The following MAEA variants were observed in gnomAD, a reference collection of about 807,000 sequenced individuals.
MAEA encodes the protein E3 ubiquitin-protein transferase MAEA.
MAEA carries 22 observed loss-of-function variants against 46.2 expected under a neutral mutation model. That is an observed-to-expected ratio of 0.48 (90% CI 0.34 to 0.68). The LOEUF is 0.68. MAEA is among the 30% of genes least tolerant of loss of function. The pLI is 0.01. For missense variants in MAEA, 393 were observed against 558.1 expected (o/e 0.70, Z 2.98); for synonymous variants, 246 against 222.6 (o/e 1.11, Z -0.94).
chr4:1,332,939 T>C, intron 6 of MAEA, 74 bp downstream of exon 6: 1 of 1,155,814 alleles, frequency 8.7e-7, no homozygotes, highest in Non-Finnish European at 1.2e-6. Context: ...CTGTAGCTGC[T>C]TCCACACGTG....
intron 1 of MAEA, among the ~76,000 whole-genome samples, chr4:1,301,059 G>A (rs1390828940): frequency 6.6e-6 from 1 of 152,172 alleles, no homozygotes; most frequent in Non-Finnish European, 1.5e-5. Context: ...GATGAGCTTC[G>A]TGATCAATAT....
intron 1 of MAEA, among the ~76,000 whole-genome samples, chr4:1,309,148 A>C (rs1457510952): frequency 2.0e-5 from 3 of 152,164 alleles, no homozygotes; most frequent in African/African-American, 7.2e-5. Context: ...GTGTTTGATC[A>C]CTAAGCAATA....
At chr4:1,292,213 C>G (rs1734170803) in intron 1 of MAEA, among the ~76,000 whole-genome samples, 1 of 152,144 alleles carries the variant, frequency 6.6e-6, no homozygotes, top group African/African-American at 2.4e-5. Flanking sequence ...ATGCTCTGGA[C>G]TGGATCTTCA....
At chr4:1,326,054 G>T (rs1010567083) in intron 4 of MAEA, among the ~76,000 whole-genome samples, 18 of 152,222 alleles carry the variant, frequency 1.2e-4, no homozygotes, top group African/African-American at 4.3e-4. Flanking sequence ...TGGCCCCCGG[G>T]GGTCTGGGCA....
At chr4:1,305,161 G>C (rs548494794) in intron 1 of MAEA, among the ~76,000 whole-genome samples, 1 of 150,520 alleles carries the variant, frequency 6.6e-6, no homozygotes. Context: ...GGTTTTCTTT[G>C]TTCCAGTTAA....
intron 8 of MAEA, 77 bp from the exon 9 acceptor site, chr4:1,338,997 T>G: frequency 8.5e-7 from 1 of 1,177,540 alleles, no homozygotes; most frequent in Non-Finnish European, 1.3e-6. Flanking sequence ...TGGTGGTTCA[T>G]TGTGGGGATT....
chr4:1,330,959 C>T (rs1450830210), intron 5 of MAEA: 3 of 152,126 alleles, frequency 2.0e-5, no homozygotes, highest in Admixed American at 6.6e-5. Flanking sequence ...TGAGATAAGA[C>T]GCGTAAACCA....
At position 1,322,292 on chromosome 4, in the gene MAEA, G is replaced by A. The variant is rs527703094; in HGVS notation, c.457-89G>A. The A allele has an allele frequency of 1.1e-4, 166 of 1,550,434 alleles. 1 individual carries two copies. In the South Asian group the frequency reaches 1.9e-3, roughly 18 times the overall value. On this transcript the variant is annotated intron_variant, in intron 3 of 8. Transcript: ENST00000303400. ...CATCTCGAGTGGTGGCCGGTGCTGG[G>A]CCTGCCTCATGGAGGCTGGGGTGTG... is the stretch of plus-strand genomic sequence containing the variant.
chr4:1,332,368 G>C (rs1279016905), intron 5 of MAEA: 1 of 166,862 alleles, frequency 6.0e-6, no homozygotes, highest in South Asian at 1.2e-4. Context: ...GGAGTGAGGC[G>C]ATTACTTTGT....
Position 1,339,120 on chromosome 4 carries a change from C to T in MAEA, c.1142C>T (p.Thr381Ile). 1 of 1,613,994 alleles carries T rather than the reference C, an allele frequency of 6.2e-7. No homozygotes were observed. The highest frequency in any genetic ancestry group is 8.5e-7 in the Non-Finnish European group (1 of 1,180,016). Residue 381 changes from threonine (T) to isoleucine (I), a missense_variant, in exon 9 of 9, where the codon ACC becomes ATC. This residue lies in a region of MAEA where 358 missense variants were observed against 537.9 expected (regional missense o/e 0.67). Transcript: ENST00000303400. ...GATGATAAAGTCGTGTGCCCGAGAA[C>T]CAAAGAAGTCTTCCACTTCTCACAA... ...RQDDKVVCPR[T>I]KEVFHFSQAE...
Position 1,322,436 on chromosome 4 carries a change from A to C in MAEA, c.512A>C (p.Glu171Ala). 1 of 1,614,032 alleles carries C rather than the reference A, an allele frequency of 6.2e-7. No individual in the cohort carries two copies. The change falls in exon 4 of 9, where the codon GAG becomes GCG. Residue 171 changes from glutamate to alanine, a missense_variant. Glu to Ala is a moderately radical substitution (Grantham distance 107). Coordinates refer to ENST00000303400, the MANE Select transcript of MAEA (RefSeq NM_001017405.3). The stretch of plus-strand genomic sequence containing the variant: ...GCCAAAGAGGTGGAGGAGTCCCTGG[A>C]GAGGCGTGAGACGGCCACCTGCCTG... ...LTAKEVEESL[E>A]RRETATCLAW...
chr4:1,329,944 G>A, intron 5 of MAEA: 5 of 985,464 alleles, frequency 5.1e-6, no homozygotes, highest in Non-Finnish European at 6.0e-6. Flanking sequence ...GGAGCGTCGG[G>A]CACCATCTAC....
intron 4 of MAEA, 149 bp downstream of exon 4, chr4:1,322,652 C>G (rs1025518379): frequency 1.2e-5 from 12 of 993,500 alleles, no homozygotes; most frequent in Non-Finnish European, 1.7e-5. Flanking sequence ...TTTTTGGTGG[C>G]TGTGTTACAC....
chr4:1,306,236 G>A lies in MAEA; in HGVS notation c.70-5743G>A, dbSNP rs540230953. On this transcript the variant is annotated intron_variant, in intron 1 of 8. Transcript: ENST00000303400. The stretch of plus-strand genomic sequence containing the variant: ...CATAAAATTCACCATCGCGCTTTCC[G>A]CTGTGGTCTAATTTGCATTTCCCTG... Among the ~76,000 whole-genome samples, 27 of 152,306 alleles carry A rather than the reference G, an allele frequency of 1.8e-4. No individual in the cohort carries two copies. The South Asian group carries it at 5.4e-3, about 30-fold the overall frequency.
intron 3 of MAEA, among the ~76,000 whole-genome samples, chr4:1,319,191 A>T (rs1033470741): frequency 5.3e-5 from 8 of 151,928 alleles, no homozygotes; most frequent in South Asian, 2.1e-4. Flanking sequence ...TTCTCTACAA[A>T]TTTTTTTTCA....
intron 1 of MAEA, among the ~76,000 whole-genome samples, chr4:1,297,396 C>T (rs564179874): frequency 6.8e-6 from 1 of 147,192 alleles, no homozygotes; most frequent in Non-Finnish European, 1.5e-5. Context: ...TACACTTCAG[C>T]TCATTCCCCA....
intron 1 of MAEA, 127 bp downstream of exon 1, chr4:1,290,109 G>T (rs1733944757): frequency 2.0e-6 from 1 of 494,638 alleles, no homozygotes; most frequent in Non-Finnish European, 3.0e-6. Flanking sequence ...GCCTCGCGGG[G>T]CCGTGCGGGC....
intron 2 of MAEA, among the ~76,000 whole-genome samples, chr4:1,314,296 C>T (rs1736861947): frequency 6.7e-6 from 1 of 150,056 alleles, no homozygotes; most frequent in Admixed American, 6.6e-5. Context: ...CACTGCACTT[C>T]AGCCTGCACA....
In MAEA at chr4:1,315,565, A is replaced by T. The variant is rs1388506308; in HGVS notation, c.421A>T (p.Thr141Ser). Residue 141 changes from threonine (T) to serine (S), a missense_variant, in exon 3 of 9, where the codon ACG becomes TCG. Coordinates refer to ENST00000303400, the MANE Select transcript of MAEA (RefSeq NM_001017405.3). ...EHLLRCGYYN[T>S]AVKLARQSGI... is the part of the protein sequence containing the mutation. ...CCTGCTGCGTTGCGGCTACTACAAC[A>T]CGGCTGTCAAGCTGGCGCGCCAGAG... The T allele has an allele frequency of 1.6e-5, 26 of 1,613,278 alleles. No individual in the cohort carries two copies. Among genetic ancestry groups the T allele is most frequent in the Non-Finnish European group, 2.2e-5 (26 of 1,179,890 alleles).
Sources: gnomAD v4.1 joint callset for allele counts (sites outside exome capture counted in the v4.1 genomes callset) on GRCh38, gnomAD v4.1.1 for gene constraint, gnomAD v4.1.1 regional missense constraint, MANE v1.5 for transcripts, NCBI Gene and HGNC (gene_info 2026-07-23, HGNC 2026-07-21) for gene names.